The following NEO1 variants were observed in gnomAD, a reference collection of about 807,000 sequenced individuals.
NEO1 encodes neogenin.
NEO1 carries 63 observed loss-of-function variants against 159.7 expected under a neutral mutation model. The ratio of observed to expected loss-of-function variants is 0.39; its 90% CI spans 0.32 to 0.49. The LOEUF (loss-of-function observed/expected upper bound fraction) is 0.49, where lower values mean the gene tolerates loss of function less well. Among genes scored for constraint, NEO1 ranks in the 20% least tolerant of loss-of-function variants. The pLI is 0.85. For synonymous variants in NEO1, 633 were observed against 662.0 expected (o/e 0.96, Z 0.67); for missense variants, 1,615 against 1,831.0 (o/e 0.88, Z 2.15).
intron 7 of NEO1, among the ~76,000 whole-genome samples, chr15:73,183,363 G>C (rs924085285): frequency 6.6e-6 from 1 of 152,170 alleles, no homozygotes; most frequent in African/African-American, 2.4e-5. Flanking sequence ...TCAAACCCCT[G>C]TGCTGCTTAG....
chr15:73,260,411 G>C lies in NEO1; in HGVS notation c.2344G>C (p.Ala782Pro). 6.2e-7 allele frequency: 1 copy of C among 1,613,970 alleles called. No homozygotes were observed. The highest frequency in any genetic ancestry group is 1.7e-5 in the Admixed American group (1 of 59,994). The change falls in exon 15 of 29, where the codon GCC becomes CCC. Residue 782 changes from alanine to proline, a missense_variant. This residue lies in a region of NEO1 where 1,018 missense variants were observed against 1,115.4 expected (regional missense o/e 0.91). Transcript: ENST00000261908. ...AIGYGIGSPHAQTIKVDYKQR... is the reference protein window; with the variant it reads ...AIGYGIGSPHPQTIKVDYKQR... ...TGGTTATGGCATTGGCAGCCCTCAT[G>C]CCCAGACCATCAAAGTGGACTATAA...
At chr15:73,118,340 A>G (rs1815107374) in intron 2 of NEO1, among the ~76,000 whole-genome samples, 1 of 152,006 alleles carries the variant, frequency 6.6e-6, no homozygotes, top group South Asian at 2.1e-4. Flanking sequence ...CATCAAGGTA[A>G]CATCTAACTC....
intron 7 of NEO1, among the ~76,000 whole-genome samples, chr15:73,210,274 A>G (rs2152085159): frequency 6.6e-6 from 1 of 152,278 alleles, no homozygotes; most frequent in East Asian, 1.9e-4. Context: ...TGAAGTGGTG[A>G]TACCCTTTAG....
chr15:73,288,105 T>C (rs1387950142), intron 23 of NEO1, among the ~76,000 whole-genome samples: 2 of 152,178 alleles, frequency 1.3e-5, no homozygotes, highest in Non-Finnish European at 2.9e-5. Context: ...TCTCTAAATA[T>C]GTGTGGACAA....
intron 4 of NEO1, among the ~76,000 whole-genome samples, chr15:73,133,971 C>T (rs1034097403): frequency 1.3e-5 from 2 of 152,130 alleles, no homozygotes; most frequent in Non-Finnish European, 2.9e-5. Flanking sequence ...ATTACTGTAT[C>T]TCGCTTTCAA....
chr15:73,166,517 G>A (rs1340542234), intron 5 of NEO1, among the ~76,000 whole-genome samples: 1 of 152,124 alleles, frequency 6.6e-6, no homozygotes, highest in East Asian at 1.9e-4. Flanking sequence ...TGCAAGCAAG[G>A]GTTTATAAAG....
At chr15:73,285,040 G>T (rs1181801714) in intron 23 of NEO1, among the ~76,000 whole-genome samples, 1 of 151,686 alleles carries the variant, frequency 6.6e-6, no homozygotes, top group Non-Finnish European at 1.5e-5. Context: ...TAGAAATATT[G>T]GGATCTTTAT....
chr15:73,114,372 G>T (rs1174254096), intron 1 of NEO1, among the ~76,000 whole-genome samples: 1 of 152,138 alleles, frequency 6.6e-6, no homozygotes, highest in Non-Finnish European at 1.5e-5. Flanking sequence ...GCCTTTGAGG[G>T]GTTTTAAGTG....
chr15:73,138,713 G>A (rs545255986), intron 5 of NEO1, among the ~76,000 whole-genome samples: 37 of 147,418 alleles, frequency 2.5e-4, no homozygotes, highest in Admixed American at 6.7e-4. Context: ...CCGAGATCCC[G>A]CCACTGCACT....
intron 7 of NEO1, among the ~76,000 whole-genome samples, chr15:73,205,318 C>T (rs1369096353): frequency 1.3e-5 from 2 of 152,308 alleles, no homozygotes; most frequent in Non-Finnish European, 2.9e-5. Context: ...GTATTCTCTT[C>T]TAACCCCCAC....
At chr15:73,065,610 T>C (rs4132535) in intron 1 of NEO1, among the ~76,000 whole-genome samples, 83,163 of 151,982 alleles carry the variant, frequency 0.55, 23,150 homozygotes, top group Middle Eastern at 0.6. Context: ...TTACCTCCCG[T>C]CTTTGGCCAC....
At chr15:73,211,629 C>T (rs188572297) in intron 7 of NEO1, among the ~76,000 whole-genome samples, 1 of 152,234 alleles carries the variant, frequency 6.6e-6, no homozygotes, top group Admixed American at 6.5e-5. Context: ...GCAGGAGAAT[C>T]ACTTGAACCA....
chr15:73,297,105 C>G (rs758760057), intron 26 of NEO1, among the ~76,000 whole-genome samples: 1 of 152,190 alleles, frequency 6.6e-6, no homozygotes, highest in Non-Finnish European at 1.5e-5. Flanking sequence ...TGGTCACCAG[C>G]TCATGCTGTT....
chr15:73,142,807 T>C (rs2032526346), intron 5 of NEO1, among the ~76,000 whole-genome samples: 1 of 152,190 alleles, frequency 6.6e-6, no homozygotes, highest in Admixed American at 6.5e-5. Flanking sequence ...ATATAATAGA[T>C]TAAAATTTCA....
At chr15:73,173,419 C>A (rs1274306815) in intron 5 of NEO1, among the ~76,000 whole-genome samples, 2 of 152,092 alleles carry the variant, frequency 1.3e-5, no homozygotes, top group Non-Finnish European at 2.9e-5. Flanking sequence ...AATAAACCCC[C>A]AAGAGTACGT....
intron 7 of NEO1, among the ~76,000 whole-genome samples, chr15:73,216,276 G>C (rs192197507): frequency 1.6e-4 from 25 of 152,136 alleles, no homozygotes; most frequent in Non-Finnish European, 3.2e-4. Flanking sequence ...CATTTTTTAT[G>C]GCTGCATAGT....
chr15:73,185,803 G>A (rs1053318074), intron 7 of NEO1, among the ~76,000 whole-genome samples: 1 of 152,094 alleles, frequency 6.6e-6, no homozygotes, highest in Non-Finnish European at 1.5e-5. Context: ...ATTGAACAGA[G>A]CATCTAAGAT....
At chr15:73,183,752 A>G (rs2035754904) in intron 7 of NEO1, among the ~76,000 whole-genome samples, 1 of 151,518 alleles carries the variant, frequency 6.6e-6, no homozygotes. Context: ...AACTCAGAGG[A>G]AAGGAAAAAA....
intron 5 of NEO1, among the ~76,000 whole-genome samples, chr15:73,164,576 A>G (rs2034439127): frequency 6.6e-6 from 1 of 152,214 alleles, no homozygotes; most frequent in Non-Finnish European, 1.5e-5. Flanking sequence ...AGCTTCATCA[A>G]TAGCTACTCT....
Sources: gnomAD v4.1 joint callset for allele counts (sites outside exome capture counted in the v4.1 genomes callset) on GRCh38, gnomAD v4.1.1 for gene constraint, gnomAD v4.1.1 regional missense constraint, MANE v1.5 for transcripts, NCBI Gene and HGNC (gene_info 2026-07-23, HGNC 2026-07-21) for gene names.